Variants in TMC7 observed in about 807,000 individuals in gnomAD.
The protein encoded by TMC7 is transmembrane channel like 7.
A neutral mutation model predicts 82.9 loss-of-function variants in TMC7; 54 were observed. The ratio of observed to expected loss-of-function variants is 0.65; its 90% CI spans 0.52 to 0.82. The LOEUF (loss-of-function observed/expected upper bound fraction) is 0.82. TMC7 is among the 40% of genes least tolerant of loss of function. The probability of loss-of-function intolerance (pLI) is 0.00; values close to 1 mark genes in which losing one functional copy is unlikely to be tolerated. For synonymous variants in TMC7, 350 were observed against 337.9 expected, an observed-to-expected ratio of 1.04 and a Z score of -0.39; for missense variants, 820 against 901.2, an observed-to-expected ratio of 0.91 and a Z score of 1.15.
Position 19,061,785 on chromosome 16 carries a change from G to A in TMC7, c.2114G>A (p.Arg705His), listed in dbSNP as rs1220471909. ...GAACTTATTATTTTTTAGGAAAGTC[G>A]TGACAAGTGCTACCTAATCCAGAAA... The part of the protein sequence containing the change: ...QLREQLSLES[R>H]DKCYLIQKLT... Residue 705 changes from arginine to histidine, a missense_variant, in exon 16 of 16, where the codon CGT becomes CAT. Coordinates refer to ENST00000304381, the MANE Select transcript of TMC7 (RefSeq NM_024847.4). The A allele has an allele frequency of 4.3e-6, 7 of 1,613,256 alleles. No individual in the cohort carries two copies. Among genetic ancestry groups the A allele is most frequent in the Middle Eastern group, 1.6e-4 (1 of 6,072 alleles).
chr16:19,016,370 G>C (rs961642836), intron 2 of TMC7, 80 bp from the exon 3 acceptor site: 1 of 1,565,158 alleles, frequency 6.4e-7, no homozygotes, highest in African/African-American at 1.4e-5. Flanking sequence ...GATTACAGGC[G>C]TGAGCTACTG....
chr16:19,044,995 CTACCCGG>C lies in TMC7; in HGVS notation c.1451_1455+2del. The C allele has an allele frequency of 6.2e-7, 1 of 1,613,640 alleles. No individual in the cohort carries two copies. The highest frequency in any genetic ancestry group is 8.5e-7 in the Non-Finnish European group (1 of 1,179,730). ...ACCTTTGCGGCTACAACCAGAAACT[CTACCCGG>C]TGAGTTGCGGGGCGGGGGCGTTCGG... On this transcript the variant is annotated splice_donor_variant and coding_sequence_variant, in exon 10 of 16. Coordinates refer to ENST00000304381, the MANE Select transcript of TMC7 (RefSeq NM_024847.4). LOFTEE classifies it high-confidence loss of function.
At chr16:19,017,673 T>G (rs1262715567) in intron 3 of TMC7, among the ~76,000 whole-genome samples, 7 of 145,650 alleles carry the variant, frequency 4.8e-5, no homozygotes, top group South Asian at 2.2e-4. Flanking sequence ...AACAGTTTTT[T>G]TTTTTTTTTT....
At chr16:18,996,427 G>A (rs761068211) in intron 1 of TMC7, among the ~76,000 whole-genome samples, 13 of 152,078 alleles carry the variant, frequency 8.5e-5, no homozygotes, top group Non-Finnish European at 1.6e-4. Flanking sequence ...TCTAGATCTT[G>A]TAGGAATTTG....
At position 19,044,950 on chromosome 16, in the gene TMC7, C is replaced by CTGTGA; in HGVS notation, c.1407_1411dup (p.Asp471ValfsTer30). 6.2e-7 allele frequency: 1 copy of CTGTGA among 1,613,966 alleles called. No individual in the cohort carries two copies. Among genetic ancestry groups the CTGTGA allele is most frequent in the Non-Finnish European group, 8.5e-7 (1 of 1,179,988 alleles). On this transcript the variant is annotated frameshift_variant, in exon 10 of 16. Transcript: ENST00000304381. LOFTEE classifies it high-confidence loss of function. ...TCACGCTGGGCTCCAAGATCACATC[C>CTGTGA]TGTGATGATGACACATGTGACCTTT... is the stretch of plus-strand genomic sequence containing the variant.
At chr16:19,025,944 G>A (rs1039343526) in intron 5 of TMC7, among the ~76,000 whole-genome samples, 6 of 151,840 alleles carry the variant, frequency 4.0e-5, no homozygotes, top group Admixed American at 6.6e-5. Flanking sequence ...GTGTATGTGC[G>A]TGTGTTTGTT....
At chr16:19,049,330 T>C (rs1373366223) in intron 12 of TMC7, among the ~76,000 whole-genome samples, 1 of 152,120 alleles carries the variant, frequency 6.6e-6, no homozygotes, top group Non-Finnish European at 1.5e-5. Flanking sequence ...GGCCAAAGTG[T>C]CATATTTTAT....
At chr16:19,005,336 C>T (rs577368006) in intron 1 of TMC7, among the ~76,000 whole-genome samples, 5 of 152,318 alleles carry the variant, frequency 3.3e-5, no homozygotes, top group African/African-American at 1.2e-4. Context: ...GATCCACTCG[C>T]CTCGGCCTCC....
chr16:19,000,009 C>T (rs2039114421), intron 1 of TMC7, among the ~76,000 whole-genome samples: 1 of 151,876 alleles, frequency 6.6e-6, no homozygotes, highest in South Asian at 2.1e-4. Context: ...GTGATCCACC[C>T]GCCTCAGCCT....
At chr16:18,992,471 G>T (rs899137671) in intron 1 of TMC7, among the ~76,000 whole-genome samples, 14 of 151,990 alleles carry the variant, frequency 9.2e-5, no homozygotes. Flanking sequence ...AAATTTGTTT[G>T]AGTTCTTTGT....
intron 2 of TMC7, among the ~76,000 whole-genome samples, chr16:19,014,717 C>G (rs1301364311): frequency 6.6e-6 from 1 of 152,152 alleles, no homozygotes; most frequent in Non-Finnish European, 1.5e-5. Context: ...AGCACTTCCC[C>G]CAGGGAGCTG....
chr16:19,025,686 A>G (rs1035561662), intron 5 of TMC7, among the ~76,000 whole-genome samples: 9 of 152,094 alleles, frequency 5.9e-5, no homozygotes, highest in African/African-American at 2.2e-4. Flanking sequence ...TTGAGCTTCT[A>G]CTTTTCTGAA....
Position 19,009,325 on chromosome 16 carries a change from G to A in TMC7, c.221G>A (p.Ser74Asn). The A allele has an allele frequency of 6.2e-7, 1 of 1,614,176 alleles. No homozygotes were observed. The highest frequency in any genetic ancestry group is 1.1e-5 in the South Asian group (1 of 91,082). ...GTLLKPTDSY[S>N]SQLEDRIAEN... ...TTGCTAAAGCCAACCGACTCTTACA[G>A]CTCCCAGCTGGAGGACAGAATCGCT... is the stretch of plus-strand genomic sequence containing the variant. The change falls in exon 2 of 16, where the codon AGC becomes AAC. Residue 74 changes from serine to asparagine, a missense_variant. Transcript: ENST00000304381.
At position 19,018,187 on chromosome 16, in the gene TMC7, A is replaced by T. The variant is rs114458330; in HGVS notation, c.460+1589A>T. Among the ~76,000 whole-genome samples the T allele has an allele frequency of 2.7e-3, 410 of 152,288 alleles. 4 individuals carry two copies. Among genetic ancestry groups the T allele is most frequent in the African/African-American group, 9.6e-3 (398 of 41,572 alleles). ...CAGAAAGCCTTATTATCCTGAGTCG[A>T]GGTTCATCACTTTTACCAAACTGCA... On this transcript the variant is annotated intron_variant, in intron 3 of 15. Coordinates refer to ENST00000304381, the MANE Select transcript of TMC7 (RefSeq NM_024847.4).
chr16:19,061,046 C>T (rs1228936333), intron 15 of TMC7, among the ~76,000 whole-genome samples: 8 of 150,560 alleles, frequency 5.3e-5, no homozygotes, highest in African/African-American at 1.5e-4. Context: ...CTCTGTCGCC[C>T]AGGCTGGAGT....
At chr16:19,004,685 A>C (rs992524454) in intron 1 of TMC7, among the ~76,000 whole-genome samples, 2 of 152,102 alleles carry the variant, frequency 1.3e-5, no homozygotes, top group East Asian at 3.9e-4. Context: ...TTTAACATTT[A>C]CAAACACTTT....
chr16:19,002,234 C>CTTT (rs558887362), intron 1 of TMC7, among the ~76,000 whole-genome samples: 2 of 127,100 alleles, frequency 1.6e-5, no homozygotes, highest in Non-Finnish European at 1.7e-5. Context: ...TGGAGGGCCG[C>CTTT]TTTTTTTTTT....
intron 13 of TMC7, among the ~76,000 whole-genome samples, chr16:19,054,694 C>T (rs371055882): frequency 1.4e-5 from 2 of 143,684 alleles, no homozygotes; most frequent in East Asian, 2.1e-4. Context: ...CTAGCCTGGG[C>T]AACAAGAGTG....
intron 2 of TMC7, among the ~76,000 whole-genome samples, chr16:19,010,125 C>T (rs1310974952): frequency 1.1e-5 from 1 of 88,220 alleles, no homozygotes; most frequent in Non-Finnish European, 2.4e-5. Flanking sequence ...CCCCTTTCCC[C>T]TCTCTCCTCT....
Sources: allele counts gnomAD v4.1 joint callset (sites outside exome capture counted in the v4.1 genomes callset), GRCh38; gene constraint gnomAD v4.1.1; transcripts MANE v1.5; gene names NCBI Gene and HGNC (gene_info 2026-07-23, HGNC 2026-07-21).